The following ATE1 variants were observed in gnomAD, a reference collection of about 807,000 sequenced individuals.
The protein encoded by ATE1 is arginyl-tRNA--protein transferase 1.
A neutral mutation model predicts 70.5 loss-of-function variants in ATE1; 36 were observed. That is an observed-to-expected ratio of 0.51 (90% confidence interval 0.39 to 0.67). ATE1 has a LOEUF of 0.67. ATE1 is among the 30% of genes least tolerant of loss of function. The pLI, the probability that ATE1 is intolerant of heterozygous loss-of-function variation, is 0.00. For synonymous variants in ATE1, 232 were observed against 219.3 expected (o/e 1.06, Z -0.51); for missense variants, 593 against 629.5 (o/e 0.94, Z 0.62).
chr10:121,913,666 CGCTGT>C (rs1324309923), intron 4 of ATE1, 119 bp downstream of exon 4: 1 of 568,408 alleles, frequency 1.8e-6, no homozygotes, highest in Non-Finnish European at 3.1e-6. Flanking sequence ...TAACAGTAGT[CGCTGT>C]CATCATAGTA....
chr10:121,745,640 T>C (rs1944334092), intron 11 of ATE1, among the ~76,000 whole-genome samples: 1 of 152,112 alleles, frequency 6.6e-6, no homozygotes, highest in East Asian at 1.9e-4. Context: ...GGCAGGAGAA[T>C]GGTGTGAACC....
At chr10:121,882,563 A>T (rs144431592) in intron 7 of ATE1, among the ~76,000 whole-genome samples, 1 of 152,374 alleles carries the variant, frequency 6.6e-6, no homozygotes, top group Non-Finnish European at 1.5e-5. Context: ...CACAGGTAGT[A>T]GGTAGAGGAG....
At chr10:121,793,217 T>C (rs1252337485) in intron 10 of ATE1, among the ~76,000 whole-genome samples, 1 of 152,194 alleles carries the variant, frequency 6.6e-6, no homozygotes, top group East Asian at 1.9e-4. Flanking sequence ...CAAATTATCA[T>C]TATCACTGCA....
chr10:121,913,584 C>T (rs1951528585), intron 4 of ATE1, among the ~76,000 whole-genome samples: 1 of 132,430 alleles, frequency 7.6e-6, no homozygotes, highest in South Asian at 2.5e-4. Context: ...AATATTCTTT[C>T]CACGCTAAAC....
chr10:121,765,870 G>A (rs1200580465), intron 11 of ATE1, among the ~76,000 whole-genome samples: 1 of 152,022 alleles, frequency 6.6e-6, no homozygotes, highest in Non-Finnish European at 1.5e-5. Flanking sequence ...AAGTGAATCT[G>A]TGGGGGCTAA....
At chr10:121,866,837 ACT>A (rs760772569) in intron 8 of ATE1, among the ~76,000 whole-genome samples, 24 of 125,050 alleles carry the variant, frequency 1.9e-4, no homozygotes, top group Non-Finnish European at 2.9e-4. Context: ...ACAGAGTAAG[ACT>A]CTGTCTCAAA....
At chr10:121,757,309 C>T (rs1469018677) in intron 11 of ATE1, among the ~76,000 whole-genome samples, 1 of 152,182 alleles carries the variant, frequency 6.6e-6, no homozygotes, top group Non-Finnish European at 1.5e-5. Context: ...TCCAACAAAT[C>T]TCTAGGAAGT....
intron 5 of ATE1, among the ~76,000 whole-genome samples, chr10:121,904,463 A>T (rs1218922884): frequency 6.6e-6 from 1 of 151,138 alleles, no homozygotes; most frequent in Non-Finnish European, 1.5e-5. Context: ...AACACGGTGA[A>T]ACCCTGTCTC....
chr10:121,772,485 A>T (rs992690910), intron 11 of ATE1, among the ~76,000 whole-genome samples: 2 of 152,232 alleles, frequency 1.3e-5, no homozygotes, highest in African/African-American at 2.4e-5. Flanking sequence ...AACCACAAAA[A>T]AACTTAAGAA....
At chr10:121,832,639 TAAG>T (rs974522381) in intron 10 of ATE1, among the ~76,000 whole-genome samples, 4 of 152,344 alleles carry the variant, frequency 2.6e-5, no homozygotes, top group South Asian at 4.1e-4. Flanking sequence ...CACCGCCACG[TAAG>T]AAGTGTCTTT....
At chr10:121,810,298 T>G (rs1947267527) in intron 10 of ATE1, among the ~76,000 whole-genome samples, 1 of 152,142 alleles carries the variant, frequency 6.6e-6, no homozygotes. Flanking sequence ...TGAGATGGAG[T>G]CTCACTCTGT....
At chr10:121,855,980 G>A (rs759107355) in intron 8 of ATE1, among the ~76,000 whole-genome samples, 9 of 151,460 alleles carry the variant, frequency 5.9e-5, no homozygotes, top group Non-Finnish European at 1.2e-4. Context: ...GGAGGCTGAG[G>A]CAGGAGAATC....
At chr10:121,803,869 C>CT (rs1014735950) in intron 10 of ATE1, among the ~76,000 whole-genome samples, 5 of 152,134 alleles carry the variant, frequency 3.3e-5, no homozygotes, top group South Asian at 4.1e-4. Flanking sequence ...GTAATCATTC[C>CT]TTTTTTTCGG....
In ATE1 at chr10:121,799,022, C is replaced by T. The variant is rs143919168; in HGVS notation, c.1258-8733G>A. Among the ~76,000 whole-genome samples the T allele has an allele frequency of 3.6e-4, 55 of 152,156 alleles. 1 individual carries two copies. The East Asian group carries it at 9.6e-3, about 27-fold the overall frequency. On this transcript the variant is annotated intron_variant, in intron 10 of 11. Coordinates refer to ENST00000224652, the MANE Select transcript of ATE1 (RefSeq NM_001001976.3). ...ACTCTATTCCTATTCTCATTTCCTG[C>T]CTAAACCTTAAAAAAACAAAAGCAC...
At chr10:121,790,377 A>G (rs1946385846) in intron 10 of ATE1, 88 bp from the exon 11 acceptor site, 1 of 1,500,730 alleles carries the variant, frequency 6.7e-7, no homozygotes, top group South Asian at 1.3e-5. Flanking sequence ...AAAGGTTTAA[A>G]GCAAAAACTT....
At chr10:121,764,862 T>C (rs946706098) in intron 11 of ATE1, among the ~76,000 whole-genome samples, 9 of 152,168 alleles carry the variant, frequency 5.9e-5, no homozygotes, top group African/African-American at 2.2e-4. Context: ...ATCACTCATG[T>C]GTTGCTGCTT....
chr10:121,753,734 C>T (rs1014623409), intron 11 of ATE1, among the ~76,000 whole-genome samples: 5 of 152,316 alleles, frequency 3.3e-5, no homozygotes, highest in Admixed American at 6.5e-5. Flanking sequence ...TAGACACTTC[C>T]TATTTCACCG....
chr10:121,865,956 T>C (rs918603409), intron 8 of ATE1, among the ~76,000 whole-genome samples: 1 of 152,232 alleles, frequency 6.6e-6, no homozygotes, highest in African/African-American at 2.4e-5. Context: ...AAGTTTAAAG[T>C]CGGCTTTGTT....
chr10:121,743,886 A>T, intron 11 of ATE1, 28 bp from the exon 12 acceptor site: 1 of 1,556,858 alleles, frequency 6.4e-7, no homozygotes, highest in Non-Finnish European at 8.6e-7. Flanking sequence ...ACTGATTTGT[A>T]AAATGTCACA....
Sources: gnomAD v4.1 joint callset for allele counts (sites outside exome capture counted in the v4.1 genomes callset) on GRCh38, gnomAD v4.1.1 for gene constraint, MANE v1.5 for transcripts, NCBI Gene and HGNC (gene_info 2026-07-23, HGNC 2026-07-21) for gene names.